The following CHAF1A variants were observed in gnomAD, a reference collection of about 807,000 sequenced individuals.
The protein encoded by CHAF1A is chromatin assembly factor 1 subunit A.
A neutral mutation model predicts 93.2 loss-of-function variants in CHAF1A; 5 were observed. That is an observed-to-expected ratio of 0.05 (90% CI 0.03 to 0.11). CHAF1A has a LOEUF of 0.11. Ranked by LOEUF, CHAF1A falls within the 10% of genes least tolerant of loss-of-function variation. CHAF1A has a pLI of 1.00. For missense variants in CHAF1A, 1,102 were observed against 1,259.9 expected (o/e 0.87, Z 1.90); for synonymous variants, 504 against 510.3 (o/e 0.99, Z 0.17).
At chr19:4,426,328 C>T (rs1049667218) in intron 7 of CHAF1A, among the ~76,000 whole-genome samples, 7 of 151,844 alleles carry the variant, frequency 4.6e-5, no homozygotes, top group African/African-American at 1.7e-4. Context: ...CCACCATGCC[C>T]CGCTAATTTT....
At chr19:4,407,211 C>G (rs2145063168) in intron 2 of CHAF1A, among the ~76,000 whole-genome samples, 1 of 151,234 alleles carries the variant, frequency 6.6e-6, no homozygotes, top group South Asian at 2.1e-4. Context: ...GAGCAAGACT[C>G]TGTCTCAAAA....
intron 8 of CHAF1A, 127 bp downstream of exon 8, chr19:4,429,017 T>C: frequency 1.4e-6 from 1 of 706,514 alleles, no homozygotes; most frequent in Non-Finnish European, 2.4e-6. Context: ...CCTCGGGCCC[T>C]GGGCTTCGGT....
downstream of CHAF1A, chr19:4,446,348 C>A: frequency 1.3e-6 from 2 of 1,570,972 alleles, no homozygotes; most frequent in East Asian, 2.3e-5. Flanking sequence ...GCGCAGCCCC[C>A]GCTGCTCCTC....
At chr19:4,430,201 G>A (rs1043461291) in intron 10 of CHAF1A, 2 of 325,402 alleles carry the variant, frequency 6.1e-6, no homozygotes, top group African/African-American at 4.3e-5. Context: ...TCTTTAAGAT[G>A]GAGTCTCACT....
chr19:4,433,060 C>T lies in CHAF1A; in HGVS notation c.2204-10C>T, dbSNP rs770636718. 4.5e-6 allele frequency: 7 copies of T among 1,540,622 alleles called. No individual in the cohort carries two copies. The East Asian group carries it at 1.7e-4, about 37-fold the overall frequency. On this transcript the variant is annotated splice_polypyrimidine_tract_variant and intron_variant, in intron 12 of 14. Coordinates refer to ENST00000301280, the MANE Select transcript of CHAF1A (RefSeq NM_005483.3). The surrounding 1 kb of genome is among the most constrained non-coding windows in gnomAD (Gnocchi z 5.6). ...CAAGCCTCATGCCCACCCATGTTCCCTCCTGCCAGTCCTGGCCCAGCTGCT... is the reference window on the plus strand; with the variant it reads ...CAAGCCTCATGCCCACCCATGTTCCTTCCTGCCAGTCCTGGCCCAGCTGCT...
chr19:4,411,201 G>A (rs770936807), intron 3 of CHAF1A, among the ~76,000 whole-genome samples: 8 of 151,924 alleles, frequency 5.3e-5, no homozygotes, highest in African/African-American at 1.9e-4. Context: ...AACCTTGTTC[G>A]CTTTCGGGAT....
chr19:4,419,757 A>C (rs949480290), intron 4 of CHAF1A, among the ~76,000 whole-genome samples: 3 of 152,230 alleles, frequency 2.0e-5, no homozygotes, highest in African/African-American at 7.2e-5. Context: ...AGTTTATCTC[A>C]TTCTTTGGAA....
intron 2 of CHAF1A, 64 bp downstream of exon 2, chr19:4,406,026 G>A: frequency 7.4e-7 from 1 of 1,352,008 alleles, no homozygotes; most frequent in South Asian, 1.2e-5. Flanking sequence ...TCTCTTGTTG[G>A]AGACCTCAGT....
rs763636448 is a variant in CHAF1A at position 4,428,828 on chromosome 19, C to G, written c.1542C>G (p.Gly514=). 1.9e-5 allele frequency: 31 copies of G among 1,613,894 alleles called. No homozygotes were observed. The African/African-American group carries it at 3.9e-4, about 20-fold the overall frequency. The change falls in exon 8 of 15, where the codon GGC becomes GGG. Residue 514 remains glycine, a synonymous_variant. Coordinates refer to ENST00000301280, the MANE Select transcript of CHAF1A (RefSeq NM_005483.3). ...GEFSFLKDLK[G]RQPLRSGPTH... is the part of the protein sequence containing the mutation. ...TCTCCTTCTTGAAAGACCTCAAAGGCCGGCAGCCCCTGAGGTCCGGACCCA... is the reference window on the plus strand; with the variant it reads ...TCTCCTTCTTGAAAGACCTCAAAGGGCGGCAGCCCCTGAGGTCCGGACCCA...
intron 13 of CHAF1A, among the ~76,000 whole-genome samples, chr19:4,438,512 G>A (rs919651731): frequency 1.3e-5 from 2 of 150,966 alleles, no homozygotes; most frequent in Admixed American, 6.6e-5. Context: ...TTTTTACTTA[G>A]AGCTCAAAAG....
At chr19:4,426,675 T>C (rs1196563108) in intron 7 of CHAF1A, among the ~76,000 whole-genome samples, 1 of 151,638 alleles carries the variant, frequency 6.6e-6, no homozygotes, top group Non-Finnish European at 1.5e-5. Flanking sequence ...GGTTTTTCCA[T>C]GTTGGTCAGG....
downstream of CHAF1A, chr19:4,446,070 C>T (rs1475983365): frequency 1.6e-5 from 25 of 1,612,340 alleles, no homozygotes; most frequent in Non-Finnish European, 2.0e-5. Flanking sequence ...CGTTCAAGGC[C>T]AGGTTCTCGT....
chr19:4,410,543 G>A (rs1290480545), intron 3 of CHAF1A, among the ~76,000 whole-genome samples: 1 of 151,872 alleles, frequency 6.6e-6, no homozygotes, highest in Non-Finnish European at 1.5e-5. Context: ...ACCACACTTG[G>A]CTAATTTTTA....
chr19:4,409,650 A>G lies in CHAF1A; in HGVS notation c.851A>G (p.His284Arg). The change falls in exon 3 of 15, where the codon CAT (histidine) becomes CGT (arginine). Residue 284 changes from histidine (H) to arginine (R), a missense_variant. By Grantham distance (29) the His-to-Arg change is conservative. Transcript: ENST00000301280. ...SFPEEDSVLS[H>R]SSLSSPSSTS... ...CCCGAAGAAGACTCTGTACTCAGCC[A>G]TTCGTCCCTGAGCTCTCCCTCTTCC... The G allele has an allele frequency of 6.2e-7, 1 of 1,614,162 alleles. No homozygotes were observed. Among genetic ancestry groups the G allele is most frequent in the Non-Finnish European group, 8.5e-7 (1 of 1,180,036 alleles).
chr19:4,407,240 C>G (rs1280179197), intron 2 of CHAF1A, among the ~76,000 whole-genome samples: 242 of 106,656 alleles, frequency 2.3e-3, no homozygotes, highest in African/African-American at 7.4e-3. Flanking sequence ...TCCCCCCACA[C>G]CCCCCCCAAA....
chr19:4,446,599 C>G, downstream of CHAF1A: 2 of 1,612,608 alleles, frequency 1.2e-6, no homozygotes, highest in East Asian at 4.5e-5. Flanking sequence ...GAAGACGCGG[C>G]GCTGCCTGTC....
At position 4,432,020 on chromosome 19, in the gene CHAF1A, G is replaced by C. The variant is rs1461365463; in HGVS notation, c.2016G>C (p.Leu672=). 1.9e-6 allele frequency: 3 copies of C among 1,614,180 alleles called. No individual in the cohort carries two copies. The part of the protein sequence containing the change: ...KLKAKEWDEF[L]AKGKRFRVLQ... ...AGGCCAAGGAGTGGGACGAGTTCCT[G>C]GCTAAGGGGAAGCGCTTTCGCGTCC... The change falls in exon 12 of 15, where the codon CTG becomes CTC. Residue 672 remains leucine (L), a synonymous_variant. Transcript: ENST00000301280.
At chr19:4,443,676 C>T (rs1235121975), downstream of CHAF1A, among the ~76,000 whole-genome samples, 2 of 152,154 alleles carry the variant, frequency 1.3e-5, no homozygotes, top group Non-Finnish European at 1.5e-5. Context: ...TCCCTGAACC[C>T]GGAGCTGCTG....
chr19:4,420,859 G>A (rs1032805649), intron 4 of CHAF1A, among the ~76,000 whole-genome samples: 10 of 152,102 alleles, frequency 6.6e-5, no homozygotes, highest in Non-Finnish European at 8.8e-5. Flanking sequence ...GATTGCTTGA[G>A]CGCAGGAGTT....
Sources: allele counts gnomAD v4.1 joint callset (sites outside exome capture counted in the v4.1 genomes callset), GRCh38; gene constraint gnomAD v4.1.1; non-coding constraint Gnocchi (gnomAD v3.1); transcripts MANE v1.5; gene names NCBI Gene and HGNC (gene_info 2026-07-23, HGNC 2026-07-21).